The following NAALADL2 variants were observed in gnomAD, a reference collection of about 807,000 sequenced individuals.
NAALADL2 encodes the protein N-acetylated alpha-linked acidic dipeptidase like 2, also known as inactive N-acetylated-alpha-linked acidic dipeptidase-like protein 2.
A neutral mutation model predicts 87.2 loss-of-function variants in NAALADL2; 76 were observed. The ratio of observed to expected loss-of-function variants is 0.87; its 90% CI spans 0.72 to 1.05. The LOEUF is 1.05. Ranked by LOEUF, NAALADL2 falls within the 50% of genes least tolerant of loss-of-function variation. The probability of loss-of-function intolerance (pLI) is 0.00; values close to 1 mark genes in which losing one functional copy is unlikely to be tolerated. For missense variants in NAALADL2, 1,089 were observed against 945.8 expected (o/e 1.15, Z -1.99); for synonymous variants, 354 against 331.0 (o/e 1.07, Z -0.75).
intron 5 of NAALADL2, among the ~76,000 whole-genome samples, chr3:175,395,374 G>A (rs953398100): frequency 6.6e-6 from 1 of 152,030 alleles, no homozygotes; most frequent in African/African-American, 2.4e-5. Flanking sequence ...TATGGATAAG[G>A]GGAGCCCACT....
At chr3:175,613,505 AC>A (rs2149679598) in intron 10 of NAALADL2, among the ~76,000 whole-genome samples, 1 of 152,310 alleles carries the variant, frequency 6.6e-6, no homozygotes, top group East Asian at 1.9e-4. Context: ...ATTTTTTCTC[AC>A]CTGAGATGAT....
chr3:175,202,955 T>C (rs893419104), intron 2 of NAALADL2, among the ~76,000 whole-genome samples: 1 of 152,026 alleles, frequency 6.6e-6, no homozygotes, highest in African/African-American at 2.4e-5. Flanking sequence ...GGACCGGTCT[T>C]GCACCCACCT....
chr3:174,777,788 C>T (rs973727747), intron 3 of NAALADL2, among the ~76,000 whole-genome samples: 3 of 152,112 alleles, frequency 2.0e-5, no homozygotes, highest in African/African-American at 7.2e-5. Flanking sequence ...TCTACTGTTT[C>T]TACTGAACCT....
intron 2 of NAALADL2, among the ~76,000 whole-genome samples, chr3:175,174,015 A>G (rs1017759570): frequency 1.8e-4 from 28 of 152,066 alleles, no homozygotes; most frequent in African/African-American, 6.8e-4. Flanking sequence ...GTAATTTTAT[A>G]TGGGATATTA....
intron 13 of NAALADL2, among the ~76,000 whole-genome samples, chr3:175,777,346 C>T (rs1225483676): frequency 6.6e-6 from 1 of 151,870 alleles, no homozygotes; most frequent in Admixed American, 6.6e-5. Flanking sequence ...CTCTCTGTGC[C>T]CCGTTTCCTT....
chr3:174,704,049 A>G (rs1227519026), intron 2 of NAALADL2, among the ~76,000 whole-genome samples: 1 of 152,200 alleles, frequency 6.6e-6, no homozygotes, highest in Non-Finnish European at 1.5e-5. Flanking sequence ...GATCCTAACA[A>G]TATTTATTCT....
chr3:175,304,154 C>G (rs904552677), intron 4 of NAALADL2, among the ~76,000 whole-genome samples: 29 of 152,160 alleles, frequency 1.9e-4, no homozygotes, highest in African/African-American at 7.0e-4. Context: ...TTGCTCCAGA[C>G]AAGAGAAAAG....
intron 2 of NAALADL2, among the ~76,000 whole-genome samples, chr3:174,564,467 T>A (rs915676523): frequency 3.0e-4 from 45 of 152,138 alleles, no homozygotes; most frequent in African/African-American, 1.1e-3. Context: ...TTGAAAAGAA[T>A]GTGTATTCTC....
intron 2 of NAALADL2, among the ~76,000 whole-genome samples, chr3:174,610,150 T>C (rs1328467273): frequency 6.8e-6 from 1 of 147,396 alleles, no homozygotes; most frequent in East Asian, 1.9e-4. Context: ...TTACACTTTA[T>C]ACAAAAATTA....
chr3:175,509,338 TG>T lies in NAALADL2; in HGVS notation c.1653+37582del, dbSNP rs571156202. On this transcript the variant is annotated intron_variant, in intron 9 of 13. Coordinates refer to ENST00000454872, the MANE Select transcript of NAALADL2 (RefSeq NM_207015.3). ...CATCAGACTTGCATGAGTAGCTTGC[TG>T]GCTCAGGAACATATTTTGCCCTGTA... Among the ~76,000 whole-genome samples, 302 of 152,306 alleles carry T rather than the reference TG, an allele frequency of 2.0e-3. 2 individuals are homozygous for T. The highest frequency in any genetic ancestry group is 6.8e-3 in the African/African-American group (284 of 41,566).
At chr3:174,821,477 A>G (rs183065306) in intron 3 of NAALADL2, among the ~76,000 whole-genome samples, 23 of 152,286 alleles carry the variant, frequency 1.5e-4, no homozygotes, top group Admixed American at 1.5e-3. Context: ...GAGGAGTTTT[A>G]TTATATATAT....
chr3:175,029,185 A>C (rs746228933), intron 1 of NAALADL2, among the ~76,000 whole-genome samples: 1 of 152,006 alleles, frequency 6.6e-6, no homozygotes, highest in South Asian at 2.1e-4. Flanking sequence ...TGGAAAAACT[A>C]CTAATTCAAA....
chr3:175,155,068 G>A (rs1183596701), intron 2 of NAALADL2, among the ~76,000 whole-genome samples: 2 of 152,088 alleles, frequency 1.3e-5, no homozygotes, highest in Non-Finnish European at 2.9e-5. Context: ...GTATGACCTT[G>A]AGGGTTTTAA....
At chr3:175,756,466 T>C (rs900096895) in intron 13 of NAALADL2, among the ~76,000 whole-genome samples, 35 of 152,200 alleles carry the variant, frequency 2.3e-4, no homozygotes, top group Admixed American at 2.3e-3. Flanking sequence ...ATGTGGTATA[T>C]GTACTCTATA....
At chr3:175,001,237 ATTCAGTAGG>A (rs1182873886) in intron 1 of NAALADL2, among the ~76,000 whole-genome samples, 1 of 152,194 alleles carries the variant, frequency 6.6e-6, no homozygotes, top group Non-Finnish European at 1.5e-5. Context: ...TCAGACTCTG[ATTCAGTAGG>A]TCTAGAGCCT....
intron 1 of NAALADL2, among the ~76,000 whole-genome samples, chr3:175,027,460 G>A (rs1472244435): frequency 1.3e-5 from 2 of 151,912 alleles, no homozygotes; most frequent in Non-Finnish European, 2.9e-5. Flanking sequence ...GTACATAACG[G>A]TATGATTTTA....
rs1363361090 is a variant in NAALADL2 at position 174,797,298 on chromosome 3, CTTTTTTCTTTTT to C, written c.-9+59559_-9+59570del. On this transcript the variant is annotated intron_variant, in intron 3 of 3. Coordinates refer to the NAALADL2 transcript ENST00000434257. ...CTGGGATCTTTTTTCTTTTGTTTTT[CTTTTTTCTTTTT>C]TTTTTTTTTTTTTTTTTTTGAGACA... 3.8e-3 allele frequency among the ~76,000 whole-genome samples: 375 copies of C among 97,634 alleles called. 2 individuals are homozygous for C. Among genetic ancestry groups the C allele is most frequent in the Middle Eastern group, 0.016 (3 of 192 alleles). 64.1% of individuals were successfully genotyped at this position (97,634 alleles called of 152,430 possible).
chr3:175,427,306 A>G (rs1716978407), intron 5 of NAALADL2, among the ~76,000 whole-genome samples: 1 of 152,220 alleles, frequency 6.6e-6, no homozygotes, highest in Non-Finnish European at 1.5e-5. Flanking sequence ...CTCATATTGC[A>G]TATTGCAAAG....
intron 2 of NAALADL2, among the ~76,000 whole-genome samples, chr3:175,119,340 G>C (rs67034756): frequency 0.53 from 80,528 of 151,436 alleles, 21,441 homozygotes; most frequent in East Asian, 0.62. Context: ...ATAAAAATTT[G>C]AATTAGTTTT....
Sources: allele counts gnomAD v4.1 joint callset (sites outside exome capture counted in the v4.1 genomes callset), GRCh38; gene constraint gnomAD v4.1.1; transcripts MANE v1.5; gene names NCBI Gene and HGNC (gene_info 2026-07-23, HGNC 2026-07-21).